DNAH9: variants seen among roughly 807,000 people sequenced by gnomAD.
DNAH9 encodes DNAH9 variant protein.
DNAH9 carries 345 observed loss-of-function variants against 471.6 expected under a neutral mutation model. That is an observed-to-expected ratio of 0.73 (90% CI 0.67 to 0.80). The LOEUF (loss-of-function observed/expected upper bound fraction) is 0.80, where lower values mean the gene tolerates loss of function less well. Among genes scored for constraint, DNAH9 ranks in the 30% least tolerant of loss-of-function variants. The probability of loss-of-function intolerance (pLI) is 0.00; values close to 1 mark genes in which losing one functional copy is unlikely to be tolerated. For synonymous variants in DNAH9, 2,093 were observed against 2,123.6 expected (o/e 0.99, Z 0.40); for missense variants, 5,407 against 5,609.2 (o/e 0.96, Z 1.15).
chr17:11,859,807 G>A (rs1301526259), intron 50 of DNAH9, among the ~76,000 whole-genome samples: 1 of 152,100 alleles, frequency 6.6e-6, no homozygotes, highest in Non-Finnish European at 1.5e-5. Flanking sequence ...TCATTTACCA[G>A]CAAGGGAATG....
intron 22 of DNAH9, 143 bp from the exon 23 acceptor site, chr17:11,699,588 G>A: frequency 4.3e-6 from 3 of 691,244 alleles, no homozygotes; most frequent in Non-Finnish European, 7.6e-6. Flanking sequence ...CATCAGCATT[G>A]TTCCCACAAA....
chr17:11,754,135 A>C (rs555450183), intron 33 of DNAH9, among the ~76,000 whole-genome samples: 562 of 49,824 alleles, frequency 0.011, 6 homozygotes, highest in African/African-American at 0.042. Context: ...CATGTTCCCA[A>C]AAAAAAAAAA....
At chr17:11,890,911 T>C (rs1316417139) in intron 57 of DNAH9, among the ~76,000 whole-genome samples, 1 of 152,170 alleles carries the variant, frequency 6.6e-6, no homozygotes, top group Non-Finnish European at 1.5e-5. Context: ...CGTTTTGAAC[T>C]CCTGGCCTCA....
chr17:11,837,776 A>G (rs1970895304), intron 49 of DNAH9, among the ~76,000 whole-genome samples: 1 of 152,120 alleles, frequency 6.6e-6, no homozygotes, highest in African/African-American at 2.4e-5. Context: ...TGCCTGTGCC[A>G]CCTCTTCTGC....
intron 59 of DNAH9, among the ~76,000 whole-genome samples, chr17:11,897,983 C>T (rs9906949): frequency 0.65 from 98,717 of 151,302 alleles, 33,264 homozygotes; most frequent in Middle Eastern, 0.76. Flanking sequence ...TCCTTGCCGC[C>T]TCCAGCTTTT....
intron 38 of DNAH9, among the ~76,000 whole-genome samples, chr17:11,778,064 C>T (rs1462071472): frequency 6.6e-6 from 1 of 151,886 alleles, no homozygotes. Flanking sequence ...CAGGGAAGAC[C>T]TTACTGGAAA....
chr17:11,720,762 T>C (rs1460182955), intron 27 of DNAH9, among the ~76,000 whole-genome samples: 1 of 152,178 alleles, frequency 6.6e-6, no homozygotes, highest in Non-Finnish European at 1.5e-5. Context: ...GCACCATGTT[T>C]TCTCGTGTTA....
intron 66 of DNAH9, among the ~76,000 whole-genome samples, chr17:11,938,163 G>A (rs963532314): frequency 1.3e-5 from 2 of 151,998 alleles, no homozygotes; most frequent in Non-Finnish European, 2.9e-5. Context: ...TCCTGGTGTG[G>A]GGGTAGCTGA....
Position 11,610,393 on chromosome 17 carries a change from C to T in DNAH9, c.615-3C>T, listed in dbSNP as rs757693791. ...ATCATTGTTGTTGTTTTGTCTTTCA[C>T]AGCTTGGATTCTATAGATAAGTCAG... On this transcript the variant is annotated splice_region_variant and splice_polypyrimidine_tract_variant and intron_variant, in intron 2 of 68. Coordinates refer to ENST00000262442, the MANE Select transcript of DNAH9 (RefSeq NM_001372.4). The T allele has an allele frequency of 3.7e-6, 6 of 1,609,874 alleles. No homozygotes were observed. In the South Asian group the frequency reaches 4.4e-5, roughly 12 times the overall value.
chr17:11,631,540 G>C (rs1659674398), intron 7 of DNAH9, among the ~76,000 whole-genome samples: 1 of 151,794 alleles, frequency 6.6e-6, no homozygotes, highest in South Asian at 2.1e-4. Flanking sequence ...AATTACTTGG[G>C]AGGCTGAGGC....
At chr17:11,689,469 C>A in intron 19 of DNAH9, 97 bp from the exon 20 acceptor site, 2 of 1,037,688 alleles carry the variant, frequency 1.9e-6, no homozygotes, top group South Asian at 1.6e-5. Flanking sequence ...CCTAAAACAC[C>A]AAGCATTTAA....
At chr17:11,864,327 C>T (rs1230045872) in intron 50 of DNAH9, among the ~76,000 whole-genome samples, 4 of 152,200 alleles carry the variant, frequency 2.6e-5, no homozygotes, top group Non-Finnish European at 2.9e-5. Flanking sequence ...TATAGTTGAG[C>T]GGTTTTGAGT....
intron 9 of DNAH9, among the ~76,000 whole-genome samples, chr17:11,638,607 G>A (rs1184578485): frequency 1.3e-5 from 2 of 151,986 alleles, no homozygotes; most frequent in Admixed American, 6.6e-5. Flanking sequence ...GGCTGATCTC[G>A]AACTCTCGAC....
In DNAH9 at chr17:11,617,462, A is replaced by T; in HGVS notation, c.956A>T (p.His319Leu). 1 of 1,614,102 alleles carries T rather than the reference A, an allele frequency of 6.2e-7. No individual in the cohort carries two copies. ...IHVHLIPLQR[H>L]LEALENAEFP... ...GTGCACCTGATACCGCTCCAGCGCC[A>T]CCTGGAAGCTCTGGAGAATGCAGAA... Residue 319 changes from histidine to leucine, a missense_variant, in exon 5 of 69, where the codon CAC (histidine) becomes CTC (leucine). Coordinates refer to ENST00000262442, the MANE Select transcript of DNAH9 (RefSeq NM_001372.4).
chr17:11,964,088 G>A (rs537407659), intron 68 of DNAH9, among the ~76,000 whole-genome samples: 64 of 152,296 alleles, frequency 4.2e-4, no homozygotes, highest in Non-Finnish European at 7.3e-5. Flanking sequence ...CAAGTTTGTG[G>A]CATTTTATTA....
chr17:11,719,298 C>A, intron 26 of DNAH9, 36 bp from the exon 27 acceptor site: 1 of 1,606,066 alleles, frequency 6.2e-7, no homozygotes, highest in Non-Finnish European at 8.5e-7. Flanking sequence ...ACTGGGCCCC[C>A]AAGAATGATG....
intron 1 of DNAH9, among the ~76,000 whole-genome samples, chr17:11,601,868 G>A (rs2072393951): frequency 1.3e-5 from 2 of 152,188 alleles, no homozygotes; most frequent in Non-Finnish European, 2.9e-5. Flanking sequence ...CCTGCCTTGT[G>A]TGTGTGTGGG....
intron 32 of DNAH9, among the ~76,000 whole-genome samples, chr17:11,749,064 GTTTTTTTTTGTT>G (rs1555580350): frequency 2.2e-3 from 55 of 25,410 alleles, no homozygotes; most frequent in African/African-American, 4.5e-3. Context: ...TTTTAAGAGG[GTTTTTTTTTGTT>G]TTTTTTTTTG....
intron 43 of DNAH9, 132 bp downstream of exon 43, chr17:11,797,925 T>C (rs1236038455): frequency 1.1e-6 from 1 of 879,158 alleles, no homozygotes; most frequent in African/African-American, 1.7e-5. Context: ...AAAGTCAAGA[T>C]GGCTGCTGGC....
Sources: gnomAD v4.1 joint callset for allele counts (sites outside exome capture counted in the v4.1 genomes callset) on GRCh38, gnomAD v4.1.1 for gene constraint, MANE v1.5 for transcripts, NCBI Gene and HGNC (gene_info 2026-07-23, HGNC 2026-07-21) for gene names.